Variants in TAPBP observed in about 807,000 individuals in gnomAD.
TAPBP encodes TAP binding protein.
TAPBP carries 38 observed loss-of-function variants against 45.7 expected under a neutral mutation model. The ratio of observed to expected loss-of-function variants is 0.83; its 90% CI spans 0.64 to 1.09. The LOEUF (loss-of-function observed/expected upper bound fraction) is 1.09. TAPBP is among the 50% of genes least tolerant of loss of function. TAPBP has a pLI of 0.00. For synonymous variants in TAPBP, 226 were observed against 254.8 expected (o/e 0.89, Z 1.08); for missense variants, 513 against 587.3 (o/e 0.87, Z 1.31).
At chr6:33,311,342 A>C (rs906612713) in intron 3 of TAPBP, among the ~76,000 whole-genome samples, 1 of 152,038 alleles carries the variant, frequency 6.6e-6, no homozygotes, top group African/African-American at 2.4e-5. Flanking sequence ...TAAATAAATA[A>C]ATAGCAGGCA....
At chr6:33,303,692 A>T (rs1768736095) in intron 7 of TAPBP, 1 of 1,498,936 alleles carries the variant, frequency 6.7e-7, no homozygotes, top group Admixed American at 2.1e-5. Context: ...TTAAATTTAC[A>T]TATGTGGCTT....
chr6:33,301,653 G>C lies in TAPBP; in HGVS notation c.*107C>G. The stretch of plus-strand genomic sequence containing the variant: ...AAGCATTCCAGCCACTCAGTGGAGA[G>C]AGATTGGAGGGATTAGGAGCAGATG... On this transcript the variant is annotated 3_prime_UTR_variant, in exon 8 of 8. Coordinates refer to ENST00000434618, the MANE Select transcript of TAPBP (RefSeq NM_003190.5). 1 of 970,148 alleles carries C rather than the reference G, an allele frequency of 1.0e-6. No individual in the cohort carries two copies. 60.1% of individuals were successfully genotyped at this position (970,148 alleles called of 1,614,324 possible).
chr6:33,313,561 C>T lies in TAPBP; in HGVS notation c.209-84G>A, dbSNP rs768583332. 1.3e-6 allele frequency: 2 copies of T among 1,515,526 alleles called. No homozygotes were observed. Among genetic ancestry groups the T allele is most frequent in the Non-Finnish European group, 1.8e-6 (2 of 1,129,290 alleles). 93.9% of individuals were successfully genotyped at this position (1,515,526 alleles called of 1,614,324 possible). ...GGCAGCGTTCGGGGAACTTCAAATG[C>T]ACAGACTACCCCGTAGTGAGACTCA... On this transcript the variant is annotated intron_variant, in intron 2 of 7. Transcript: ENST00000434618. This position sits in a 1 kb window ranked among gnomAD's most constrained non-coding sequence, Gnocchi z 7.2.
chr6:33,306,891 T>C (rs374593831), intron 3 of TAPBP, among the ~76,000 whole-genome samples: 2 of 149,944 alleles, frequency 1.3e-5, no homozygotes, highest in East Asian at 3.9e-4. Flanking sequence ...GGCAGTAGAA[T>C]TGCTTGAACC....
Position 33,303,796 on chromosome 6 carries a change from T to C in TAPBP, c.1335+159A>G, listed in dbSNP as rs73410025. On this transcript the variant is annotated intron_variant, in intron 7 of 7. Transcript: ENST00000434618. ...TAGATTAAGTAGCATGCTCAAAGAGTCCTACAGTTAGGATATAGTGCCAGG... is the reference window on the plus strand; with the variant it reads ...TAGATTAAGTAGCATGCTCAAAGAGCCCTACAGTTAGGATATAGTGCCAGG... The C allele has an allele frequency of 6.2e-3, 9,650 of 1,561,798 alleles. 408 individuals are homozygous for C. In the African/African-American group the frequency reaches 0.1, roughly 17 times the overall value.
rs1769591070 is a variant in TAPBP, at chr6:33,313,935, CGGCTCCAGTGG to C, written c.37+59_37+69del. On this transcript the variant is annotated intron_variant, in intron 1 of 7. Coordinates refer to ENST00000434618, the MANE Select transcript of TAPBP (RefSeq NM_003190.5). The surrounding 1 kb of genome is among the most constrained non-coding windows in gnomAD (Gnocchi z 7.2). ...ACCTGCCCCACTCCCACCCTGGCAT[CGGCTCCAGTGG>C]GGCCACCTCCCTCCGCTTCCCTCTA... The C allele has an allele frequency of 6.2e-7, 1 of 1,612,792 alleles. No individual in the cohort carries two copies. Among genetic ancestry groups the C allele is most frequent in the South Asian group, 1.1e-5 (1 of 91,074 alleles).
rs1769547776 is a variant in TAPBP at position 33,313,704 on chromosome 6, G to A, written c.198C>T (p.Leu66=). ...TCCCTAGAGACTCACCGTGTACACT[G>A]AGATAGAGCTCAGGGTCGAGGTCCG... ...PRPDLDPELY[L]SVHDPAGALQ... Residue 66 remains leucine (L), a synonymous_variant, in exon 2 of 8, where the codon CTC becomes CTT. Transcript: ENST00000434618. This position sits in a 1 kb window ranked among gnomAD's most constrained non-coding sequence, Gnocchi z 7.2. 5 of 1,612,942 alleles carry A rather than the reference G, an allele frequency of 3.1e-6. No homozygotes were observed. Among genetic ancestry groups the A allele is most frequent in the South Asian group, 1.1e-5 (1 of 91,022 alleles).
rs750393786 is a variant in TAPBP at position 33,304,579 on chromosome 6, G to A, written c.928C>T (p.Pro310Ser). 2.4e-5 allele frequency: 38 copies of A among 1,603,226 alleles called. No homozygotes were observed. Among genetic ancestry groups the A allele is most frequent in the Admixed American group, 1.3e-4 (8 of 59,516 alleles). Residue 310 changes from proline to serine, a missense_variant, in exon 5 of 8, where the codon CCC becomes TCC. Transcript: ENST00000434618. ...TLARAAPGEA[P>S]PELLCLVSHF... is the part of the protein sequence containing the mutation. Reference sequence around the variant, plus strand: ...GACACAAGGCAGAGCAATTCCGGGGGTGCCTCCCCTGGGGCGGCCCGTGCA... The same window carrying A: ...GACACAAGGCAGAGCAATTCCGGGGATGCCTCCCCTGGGGCGGCCCGTGCA...
Position 33,304,312 on chromosome 6 carries a change from T to A in TAPBP, c.1195A>T (p.Thr399Ser). Reference protein sequence around the residue: ...LPASGRSAEVTLEVAGLSGPS... With the variant: ...LPASGRSAEVSLEVAGLSGPS... ...CAGCTCTTACCTGCTACCTCCAGGGTGACCTCAGCGCTGCGCCCCGAGGCA... is the reference window on the plus strand; with the variant it reads ...CAGCTCTTACCTGCTACCTCCAGGGAGACCTCAGCGCTGCGCCCCGAGGCA... Residue 399 changes from threonine to serine, a missense_variant, in exon 5 of 8, where the codon ACC becomes TCC. Coordinates refer to ENST00000434618, the MANE Select transcript of TAPBP (RefSeq NM_003190.5). 6.2e-7 allele frequency: 1 copy of A among 1,602,818 alleles called. No individual in the cohort carries two copies. The highest frequency in any genetic ancestry group is 8.5e-7 in the Non-Finnish European group (1 of 1,173,248).
At chr6:33,303,932 T>A in intron 7 of TAPBP, 23 bp downstream of exon 7, 1 of 1,613,946 alleles carries the variant, frequency 6.2e-7, no homozygotes, top group Non-Finnish European at 8.5e-7. Flanking sequence ...AAGGGAAAGA[T>A]ACAGAGAGGT....
intron 7 of TAPBP, 129 bp downstream of exon 7, chr6:33,303,826 A>C: frequency 1.9e-6 from 3 of 1,592,546 alleles, no homozygotes; most frequent in Non-Finnish European, 2.6e-6. Flanking sequence ...GCCAGGTTTT[A>C]ACCCAGATCA....
In TAPBP at chr6:33,305,445, A is replaced by G; in HGVS notation, c.470-58T>C. ...GGGCATGAGGGAGAGAAAGAAGGAG[A>G]AAAAAATAGAGAAATGCAGTTATTG... On this transcript the variant is annotated intron_variant, in intron 3 of 7. Transcript: ENST00000434618. The surrounding 1 kb of genome is among the most constrained non-coding windows in gnomAD (Gnocchi z 4.4). 10 of 1,460,032 alleles carry G rather than the reference A, an allele frequency of 6.8e-6. No homozygotes were observed. The highest frequency in any genetic ancestry group is 9.1e-6 in the Non-Finnish European group (10 of 1,101,876). The allele number at this position is 1,460,032 out of a possible 1,614,324, so 90.4% of individuals were successfully genotyped here. A position where few individuals can be genotyped will look rare whatever the true frequency, so the allele number is the denominator to read the frequency against.
rs368715328 is a variant in TAPBP at position 33,304,731 on chromosome 6, AAAG to A, written c.869-96_869-94del. ...TTTGCCTGCTGGCTTCCTCAGAACTAAAGAAGGTTAGGTTTCTTCTCCTGAAAT... is the reference window on the plus strand; with the variant it reads ...TTTGCCTGCTGGCTTCCTCAGAACTAAAGGTTAGGTTTCTTCTCCTGAAAT... On this transcript the variant is annotated intron_variant, in intron 4 of 7. Coordinates refer to ENST00000434618, the MANE Select transcript of TAPBP (RefSeq NM_003190.5). 1,534 of 1,414,806 alleles carry A rather than the reference AAAG, an allele frequency of 1.1e-3. 10 individuals carry two copies. Among genetic ancestry groups the A allele is most frequent in the South Asian group, 6.4e-3 (460 of 71,574 alleles). 87.6% of individuals were successfully genotyped at this position (1,414,806 alleles called of 1,614,324 possible). A position where few individuals can be genotyped will look rare whatever the true frequency, so the allele number is the denominator to read the frequency against.
At chr6:33,312,996 G>T (rs1769464513) in intron 3 of TAPBP, 2 of 451,538 alleles carry the variant, frequency 4.4e-6, no homozygotes, top group Admixed American at 4.1e-5. Flanking sequence ...CCTACCCCCT[G>T]CCAAGCTGCA....
intron 7 of TAPBP, among the ~76,000 whole-genome samples, chr6:33,302,007 C>T (rs543245581): frequency 9.5e-4 from 144 of 152,288 alleles, no homozygotes; most frequent in East Asian, 5.8e-4. Flanking sequence ...TCCAATATGA[C>T]AGCCACCACC....
In TAPBP at chr6:33,313,912, C is replaced by T; in HGVS notation, c.38-48G>A. The stretch of plus-strand genomic sequence containing the variant: ...AGGAGCGGTTTGTATGTCTGGTGAC[C>T]TGCCCCACTCCCACCCTGGCATCGG... On this transcript the variant is annotated intron_variant, in intron 1 of 7. Coordinates refer to ENST00000434618, the MANE Select transcript of TAPBP (RefSeq NM_003190.5). This position sits in a 1 kb window ranked among gnomAD's most constrained non-coding sequence, Gnocchi z 7.2. The T allele has an allele frequency of 6.2e-7, 1 of 1,612,436 alleles. No individual in the cohort carries two copies. Among genetic ancestry groups the T allele is most frequent in the Non-Finnish European group, 8.5e-7 (1 of 1,179,054 alleles).
Position 33,301,721 on chromosome 6 carries a change from G to C in TAPBP, c.*39C>G. On this transcript the variant is annotated 3_prime_UTR_variant, in exon 8 of 8. Coordinates refer to ENST00000434618, the MANE Select transcript of TAPBP (RefSeq NM_003190.5). Reference sequence around the variant, plus strand: ...GGAGCTACTACAGAAGCTTGGGCCAGAGATGATGGTGGCTTCCACAGGATG... The same window carrying C: ...GGAGCTACTACAGAAGCTTGGGCCACAGATGATGGTGGCTTCCACAGGATG... 6.3e-7 allele frequency: 1 copy of C among 1,590,718 alleles called. No homozygotes were observed. Among genetic ancestry groups the C allele is most frequent in the Middle Eastern group, 1.7e-4 (1 of 6,004 alleles).
Position 33,304,324 on chromosome 6 carries a change from T to G in TAPBP, c.1183A>C (p.Ser395Arg), listed in dbSNP as rs775500161. Residue 395 changes from serine (S) to arginine (R), a missense_variant, in exon 5 of 8, where the codon AGC (serine) becomes CGC (arginine). Coordinates refer to ENST00000434618, the MANE Select transcript of TAPBP (RefSeq NM_003190.5). ...GCTACCTCCAGGGTGACCTCAGCGC[T>G]GCGCCCCGAGGCAGGCAGGCTGGGA... ...HHPSLPASGR[S>R]AEVTLEVAGL... 7 of 1,606,150 alleles carry G rather than the reference T, an allele frequency of 4.4e-6. No individual in the cohort carries two copies. The Admixed American group carries it at 8.4e-5, about 19-fold the overall frequency.
At chr6:33,301,819 T>G in intron 7 of TAPBP, 48 bp from the exon 8 acceptor site, 2 of 1,613,900 alleles carry the variant, frequency 1.2e-6, no homozygotes, top group South Asian at 1.1e-5. Context: ...AAAAGGCAGT[T>G]GAGGTGTACA....
Sources: gnomAD v4.1 joint callset for allele counts (sites outside exome capture counted in the v4.1 genomes callset) on GRCh38, gnomAD v4.1.1 for gene constraint, Gnocchi (gnomAD v3.1) non-coding constraint, MANE v1.5 for transcripts, NCBI Gene and HGNC (gene_info 2026-07-23, HGNC 2026-07-21) for gene names.